DSG4: variants seen among roughly 807,000 people sequenced by gnomAD.
DSG4 encodes desmoglein-4.
In DSG4, 87 loss-of-function variants were observed where a neutral mutation model predicts 93.1. The ratio of observed to expected loss-of-function variants is 0.93; its 90% CI spans 0.79 to 1.12. DSG4 has a LOEUF of 1.12. Among genes scored for constraint, DSG4 ranks in the 50% most tolerant of loss-of-function variants. The pLI, the probability that DSG4 is intolerant of heterozygous loss-of-function variation, is 0.00. For missense variants in DSG4, 1,373 were observed against 1,285.7 expected (o/e 1.07, Z -1.04); for synonymous variants, 432 against 452.9 (o/e 0.95, Z 0.59).
At chr18:31,407,155 C>T (rs1320030454) in intron 12 of DSG4, among the ~76,000 whole-genome samples, 1 of 152,048 alleles carries the variant, frequency 6.6e-6, no homozygotes, top group Non-Finnish European at 1.5e-5. Flanking sequence ...AAAAACCACA[C>T]ACACAAACAA....
At chr18:31,396,643 A>C (rs2072309621) in intron 8 of DSG4, among the ~76,000 whole-genome samples, 2 of 152,208 alleles carry the variant, frequency 1.3e-5, no homozygotes, top group South Asian at 4.1e-4. Flanking sequence ...TGTGTGAGCC[A>C]CCGCACCCAG....
intron 7 of DSG4, 129 bp downstream of exon 7, chr18:31,391,341 T>C (rs562338814): frequency 2.0e-5 from 26 of 1,331,840 alleles, no homozygotes; most frequent in Non-Finnish European, 2.5e-5. Flanking sequence ...AACTTTGTTA[T>C]AGAAACTTTG....
chr18:31,413,043 A>G lies in DSG4; in HGVS notation c.2571A>G (p.Ser857=). 1 of 1,614,152 alleles carries G rather than the reference A, an allele frequency of 6.2e-7. No homozygotes were observed. ...CLNTEIEPFP[S]HQACIPISTD... ...ACACAGAAATTGAACCATTTCCTTC[A>G]CACCAGGCTTGTATACCAATCAGTA... Residue 857 remains serine, a synonymous_variant, in exon 16 of 16, where the codon TCA becomes TCG. Transcript: ENST00000308128.
At position 31,413,009 on chromosome 18, in the gene DSG4, T is replaced by A. The variant is rs1233462957; in HGVS notation, c.2537T>A (p.Ile846Asn). 6.2e-7 allele frequency: 1 copy of A among 1,614,044 alleles called. No individual in the cohort carries two copies. The highest frequency in any genetic ancestry group is 1.3e-5 in the African/African-American group (1 of 74,906). The part of the protein sequence containing the change: ...LDPKFRTLAE[I>N]CLNTEIEPFP... ...CCAAAATTTAGGACTCTTGCTGAGATCTGCTTAAACACAGAAATTGAACCA... is the reference window on the plus strand; with the variant it reads ...CCAAAATTTAGGACTCTTGCTGAGAACTGCTTAAACACAGAAATTGAACCA... Residue 846 changes from isoleucine (I) to asparagine (N), a missense_variant, in exon 16 of 16, where the codon ATC becomes AAC. Transcript: ENST00000308128.
Position 31,411,264 on chromosome 18 carries a change from C to T in DSG4, c.2171C>T (p.Thr724Met). The T allele has an allele frequency of 6.2e-7, 1 of 1,613,612 alleles. No homozygotes were observed. The highest frequency in any genetic ancestry group is 1.1e-5 in the South Asian group (1 of 91,076). ...IYTNTYAAGG[T>M]VEGGVSGVEL... ...ACCAACACCTATGCAGCCGGGGGCA[C>T]GGTGGAAGGAGGTGTATCGGGAGTG... Residue 724 changes from threonine (T) to methionine (M), a missense_variant, in exon 15 of 16, where the codon ACG becomes ATG. Transcript: ENST00000308128.
At chr18:31,378,470 A>C (rs1208452075) in intron 1 of DSG4, among the ~76,000 whole-genome samples, 1 of 152,194 alleles carries the variant, frequency 6.6e-6, no homozygotes, top group Non-Finnish European at 1.5e-5. Context: ...TGCCTTCTGC[A>C]CAGGCATGAT....
At chr18:31,403,772 A>G (rs2072396089) in intron 11 of DSG4, 138 bp downstream of exon 11, 1 of 783,820 alleles carries the variant, frequency 1.3e-6, no homozygotes, top group Non-Finnish European at 2.1e-6. Context: ...AATGAAAAAA[A>G]TATTTCATGT....
chr18:31,377,943 A>T (rs1437159018), intron 1 of DSG4, among the ~76,000 whole-genome samples: 1 of 152,236 alleles, frequency 6.6e-6, no homozygotes, highest in Admixed American at 6.5e-5. Flanking sequence ...TCCTCTGAAC[A>T]TCAGTTGTAA....
At chr18:31,398,317 A>C (rs1028754481) in intron 8 of DSG4, among the ~76,000 whole-genome samples, 2 of 152,186 alleles carry the variant, frequency 1.3e-5, no homozygotes, top group Admixed American at 6.5e-5. Context: ...CGGCATGCTG[A>C]GCCATCTCCA....
chr18:31,399,424 T>G lies in DSG4; in HGVS notation c.1158T>G (p.His386Gln). 1 of 1,614,098 alleles carries G rather than the reference T, an allele frequency of 6.2e-7. No individual in the cohort carries two copies. The highest frequency in any genetic ancestry group is 1.3e-5 in the African/African-American group (1 of 75,050). The change falls in exon 9 of 16, where the codon CAT becomes CAG. Residue 386 changes from histidine (H) to glutamine (Q), a missense_variant. By Grantham distance (24) the His-to-Gln change is conservative. Coordinates refer to ENST00000308128, the MANE Select transcript of DSG4 (RefSeq NM_177986.5). ...VVDVREGPAF[H>Q]PSTMAFSVRE... ...ATGTGAGAGAAGGACCTGCATTTCA[T>G]CCAAGTACTATGGCTTTTAGTGTGC...
intron 1 of DSG4, among the ~76,000 whole-genome samples, chr18:31,377,656 G>T (rs2072090945): frequency 6.6e-6 from 1 of 152,090 alleles, no homozygotes; most frequent in South Asian, 2.1e-4. Flanking sequence ...TTCCAGACAG[G>T]CAGCATGCAT....
At chr18:31,400,820 A>G in intron 9 of DSG4, 61 bp from the exon 10 acceptor site, 1 of 1,563,372 alleles carries the variant, frequency 6.4e-7, no homozygotes. Flanking sequence ...TAGCTGTTAC[A>G]TGATTTAAAA....
chr18:31,399,647 C>T (rs768208763), intron 9 of DSG4, 104 bp downstream of exon 9: 21 of 1,459,834 alleles, frequency 1.4e-5, no homozygotes, highest in Non-Finnish European at 1.9e-5. Context: ...GGCTTTTTTG[C>T]TTTTATTATT....
chr18:31,409,150 G>A (rs1033832272), intron 12 of DSG4, among the ~76,000 whole-genome samples: 1 of 152,098 alleles, frequency 6.6e-6, no homozygotes, highest in Non-Finnish European at 1.5e-5. Flanking sequence ...GCCCCAACCA[G>A]TTCAAGAGTC....
intron 12 of DSG4, among the ~76,000 whole-genome samples, chr18:31,407,853 A>T (rs2072444857): frequency 6.6e-6 from 1 of 152,228 alleles, no homozygotes; most frequent in African/African-American, 2.4e-5. Context: ...CATAAGAATT[A>T]GTTAAAGGTC....
rs924238636 is a variant in DSG4 at position 31,413,650 on chromosome 18, C to T, written c.*55C>T. On this transcript the variant is annotated 3_prime_UTR_variant, in exon 16 of 16. Coordinates refer to ENST00000308128, the MANE Select transcript of DSG4 (RefSeq NM_177986.5). ...ACCTTGCACCTTGTAATCATCAATA[C>T]ATCCACCAAAAATATATAATGTACC... is the stretch of plus-strand genomic sequence containing the variant. The T allele has an allele frequency of 5.1e-6, 8 of 1,580,814 alleles. No individual in the cohort carries two copies. The highest frequency in any genetic ancestry group is 1.7e-4 in the Middle Eastern group (1 of 6,028).
At position 31,412,832 on chromosome 18, in the gene DSG4, C is replaced by T. The variant is rs751447049; in HGVS notation, c.2360C>T (p.Ala787Val). The T allele has an allele frequency of 5.6e-6, 9 of 1,614,070 alleles. No homozygotes were observed. The Admixed American group carries it at 6.7e-5, about 12-fold the overall frequency. ...TGTATTTCCTTTTAATTTTAGAAAG[C>T]GTATGCTTATGCAGATGAAGATGAA... Reference protein sequence around the residue: ...AFLDSYFSEKAYAYADEDEGR... With the variant: ...AFLDSYFSEKVYAYADEDEGR... The change falls in exon 16 of 16, where the codon GCG becomes GTG. Residue 787 changes from alanine (A) to valine (V), a missense_variant. Physicochemically the swap from Ala to Val is moderately conservative, Grantham distance 64. Transcript: ENST00000308128.
chr18:31,405,967 A>T, intron 11 of DSG4, 110 bp from the exon 12 acceptor site: 2 of 1,197,154 alleles, frequency 1.7e-6, no homozygotes, highest in Non-Finnish European at 2.4e-6. Flanking sequence ...CTAAGAAAGC[A>T]TGAAAAATCT....
chr18:31,408,778 A>G (rs1429407271), intron 12 of DSG4, among the ~76,000 whole-genome samples: 2 of 152,208 alleles, frequency 1.3e-5, no homozygotes, highest in Non-Finnish European at 2.9e-5. Flanking sequence ...GGCCCAAAGA[A>G]CTAAACAGAG....
Sources: gnomAD v4.1 joint callset for allele counts (sites outside exome capture counted in the v4.1 genomes callset) on GRCh38, gnomAD v4.1.1 for gene constraint, MANE v1.5 for transcripts, NCBI Gene and HGNC (gene_info 2026-07-23, HGNC 2026-07-21) for gene names.